KCNU1: variants seen among roughly 807,000 people sequenced by gnomAD.
KCNU1 encodes the protein potassium calcium-activated channel subfamily U member 1, also known as potassium channel subfamily U member 1.
KCNU1 carries 93 observed loss-of-function variants against 126.8 expected under a neutral mutation model. That is an observed-to-expected ratio of 0.73 (90% CI 0.62 to 0.87). KCNU1 has a LOEUF of 0.87. Among genes scored for constraint, KCNU1 ranks in the 40% least tolerant of loss-of-function variants. KCNU1 has a pLI of 0.00. For missense variants in KCNU1, 1,330 were observed against 1,367.1 expected (o/e 0.97, Z 0.43); for synonymous variants, 523 against 494.2 (o/e 1.06, Z -0.77).
chr8:36,855,054 C>T (rs1456636464), intron 18 of KCNU1, among the ~76,000 whole-genome samples: 1 of 152,062 alleles, frequency 6.6e-6, no homozygotes, highest in African/African-American at 2.4e-5. Flanking sequence ...GTAAAGTTGA[C>T]AACTGTGTTT....
chr8:36,806,389 G>A lies in KCNU1; in HGVS notation c.580+9G>A, dbSNP rs1419484202. 3 of 1,437,120 alleles carry A rather than the reference G, an allele frequency of 2.1e-6. No homozygotes were observed. Among genetic ancestry groups the A allele is most frequent in the Admixed American group, 3.6e-5 (2 of 55,624 alleles). The allele number at this position is 1,437,120 out of a possible 1,614,324, so 89.0% of individuals were successfully genotyped here. A position where few individuals can be genotyped will look rare whatever the true frequency, so the allele number is the denominator to read the frequency against. On this transcript the variant is annotated intron_variant, in intron 5 of 26. Coordinates refer to ENST00000399881, the MANE Select transcript of KCNU1 (RefSeq NM_001031836.3). Reference sequence around the variant, plus strand: ...GAAGAGCAATTGGCTAGGTAAGTGTGCTCTGGGAACGGGTAGCAATATCTA... The same window carrying A: ...GAAGAGCAATTGGCTAGGTAAGTGTACTCTGGGAACGGGTAGCAATATCTA...
At chr8:36,814,160 T>C (rs375937642) in intron 7 of KCNU1, 47 bp from the exon 8 acceptor site, 2 of 1,466,832 alleles carry the variant, frequency 1.4e-6, no homozygotes, top group African/African-American at 2.8e-5. Context: ...AAAAATCTTC[T>C]CTTGGATTCT....
chr8:36,879,285 A>C (rs1186240037), intron 19 of KCNU1, among the ~76,000 whole-genome samples: 1 of 145,664 alleles, frequency 6.9e-6, no homozygotes, highest in Non-Finnish European at 1.5e-5. Context: ...ATATATTTTT[A>C]GGTTATATAT....
At chr8:36,888,601 G>A (rs373332130) in intron 19 of KCNU1, 13 of 534,024 alleles carry the variant, frequency 2.4e-5, no homozygotes, top group Non-Finnish European at 4.6e-5. Context: ...AGACAACAGG[G>A]AACACTGATG....
rs373540822 is a variant in KCNU1, at chr8:36,907,641, G to A, written c.2107-1670G>A. On this transcript the variant is annotated intron_variant, in intron 20 of 26. Coordinates refer to ENST00000399881, the MANE Select transcript of KCNU1 (RefSeq NM_001031836.3). Reference sequence around the variant, plus strand: ...GTATTTCCCAGTATATGCTAATTTGGTAAACTTTAATTGTTGAAATGTCAG... The same window carrying A: ...GTATTTCCCAGTATATGCTAATTTGATAAACTTTAATTGTTGAAATGTCAG... Among the ~76,000 whole-genome samples the A allele has an allele frequency of 3.9e-4, 60 of 152,270 alleles. 1 individual carries two copies. Among genetic ancestry groups the A allele is most frequent in the African/African-American group, 1.4e-3 (59 of 41,556 alleles).
At chr8:36,922,915 G>A (rs1808411343) in intron 24 of KCNU1, 1 of 544,544 alleles carries the variant, frequency 1.8e-6, no homozygotes, top group African/African-American at 1.9e-5. Context: ...CATCGCTGCA[G>A]ACCAGGTCCC....
chr8:36,806,319 C>A lies in KCNU1; in HGVS notation c.519C>A (p.Ile173=). The A allele has an allele frequency of 6.2e-7, 1 of 1,611,366 alleles. No individual in the cohort carries two copies. Among genetic ancestry groups the A allele is most frequent in the Non-Finnish European group, 8.5e-7 (1 of 1,178,636 alleles). The change falls in exon 5 of 27, where the codon ATC becomes ATA. Residue 173 remains isoleucine (I), a synonymous_variant. Transcript: ENST00000399881. ...KIKFWLEMNS[I]VDIFTIPPTF... ...AGTTCTGGCTGGAGATGAATTCAAT[C>A]GTAGACATCTTTACCATCCCACCAA... is the stretch of plus-strand genomic sequence containing the variant.
intron 10 of KCNU1, among the ~76,000 whole-genome samples, chr8:36,826,248 C>T (rs899426443): frequency 1.1e-4 from 17 of 151,610 alleles, no homozygotes; most frequent in Non-Finnish European, 2.2e-4. Flanking sequence ...CTTGCTCTGT[C>T]ACCCAGGCTG....
chr8:36,883,909 A>G (rs548157355), intron 19 of KCNU1, among the ~76,000 whole-genome samples: 1 of 152,316 alleles, frequency 6.6e-6, no homozygotes, highest in East Asian at 1.9e-4. Flanking sequence ...TTTCATTTTA[A>G]AAAGTTATCA....
intron 10 of KCNU1, among the ~76,000 whole-genome samples, chr8:36,825,146 T>C (rs1050778468): frequency 2.6e-5 from 4 of 152,160 alleles, no homozygotes; most frequent in African/African-American, 9.7e-5. Context: ...GAAACAGCAG[T>C]CTTTTTAATC....
At chr8:36,930,616 T>C (rs1808669030) in intron 24 of KCNU1, among the ~76,000 whole-genome samples, 1 of 152,110 alleles carries the variant, frequency 6.6e-6, no homozygotes, top group Non-Finnish European at 1.5e-5. Context: ...ATGATTAGGG[T>C]ATCTGTGACC....
chr8:36,795,177 G>A (rs917866029), intron 2 of KCNU1: 1 of 152,272 alleles, frequency 6.6e-6, no homozygotes, highest in African/African-American at 2.4e-5. Flanking sequence ...ACATCCTCAG[G>A]ACAGGTGTTT....
chr8:36,803,892 A>G, intron 2 of KCNU1, 135 bp from the exon 3 acceptor site: 1 of 692,526 alleles, frequency 1.4e-6, no homozygotes, highest in Non-Finnish European at 2.6e-6. Context: ...GAATGAATGA[A>G]TACTAACATA....
At chr8:36,839,647 AG>A (rs1216456886) in intron 14 of KCNU1, among the ~76,000 whole-genome samples, 2 of 152,128 alleles carry the variant, frequency 1.3e-5, no homozygotes, top group Non-Finnish European at 2.9e-5. Context: ...GACCATCTGA[AG>A]ATAATTTCTG....
intron 19 of KCNU1, among the ~76,000 whole-genome samples, chr8:36,876,159 C>G (rs992910432): frequency 6.6e-6 from 1 of 152,106 alleles, no homozygotes; most frequent in Non-Finnish European, 1.5e-5. Flanking sequence ...TCAAACTAAT[C>G]GATTTCCATC....
At chr8:36,797,723 GT>G (rs1321736057) in intron 2 of KCNU1, among the ~76,000 whole-genome samples, 3 of 151,524 alleles carry the variant, frequency 2.0e-5, no homozygotes, top group Non-Finnish European at 2.9e-5. Context: ...GTCCAAAAAA[GT>G]TTTTTTCTTG....
intron 19 of KCNU1, among the ~76,000 whole-genome samples, chr8:36,897,979 G>A (rs960184526): frequency 3.9e-5 from 6 of 152,032 alleles, no homozygotes; most frequent in African/African-American, 1.2e-4. Flanking sequence ...TAAGTAAAAT[G>A]TTGTAACACT....
At chr8:36,890,029 A>G (rs1806895749) in intron 19 of KCNU1, among the ~76,000 whole-genome samples, 1 of 152,096 alleles carries the variant, frequency 6.6e-6, no homozygotes, top group African/African-American at 2.4e-5. Context: ...TTTCTTCAAA[A>G]TTGAAGGAAA....
At chr8:36,929,117 C>A in intron 24 of KCNU1, 1 of 647,264 alleles carries the variant, frequency 1.5e-6, no homozygotes, top group Non-Finnish European at 2.8e-6. Flanking sequence ...CACAGTGGCT[C>A]ATGCCTGTAA....
Sources: gnomAD v4.1 joint callset for allele counts (sites outside exome capture counted in the v4.1 genomes callset) on GRCh38, gnomAD v4.1.1 for gene constraint, MANE v1.5 for transcripts, NCBI Gene and HGNC (gene_info 2026-07-23, HGNC 2026-07-21) for gene names.